RPS6KA2: variants seen among roughly 807,000 people sequenced by gnomAD.
RPS6KA2 encodes the protein ribosomal protein S6 kinase A2.
Under a neutral mutation model 91.8 loss-of-function variants are expected in RPS6KA2, and 42 were observed. The ratio of observed to expected loss-of-function variants is 0.46; its 90% confidence interval spans 0.36 to 0.59. The LOEUF is 0.59. Ranked by LOEUF, RPS6KA2 falls within the 20% of genes least tolerant of loss-of-function variation. The probability of loss-of-function intolerance (pLI) is 0.00; values close to 1 mark genes in which losing one functional copy is unlikely to be tolerated. For synonymous variants in RPS6KA2, 414 were observed against 393.6 expected, an observed-to-expected ratio of 1.05 and a Z score of -0.61; for missense variants, 798 against 978.5, an observed-to-expected ratio of 0.82 and a Z score of 2.46.
At chr6:166,492,419 A>G (rs940695210) in intron 8 of RPS6KA2, among the ~76,000 whole-genome samples, 24 of 152,234 alleles carry the variant, frequency 1.6e-4, no homozygotes, top group African/African-American at 5.5e-4. Flanking sequence ...AAACAGGATG[A>G]AAGTTTATAA....
chr6:166,432,477 C>T lies in RPS6KA2; in HGVS notation c.1346G>A (p.Ser449Asn). Residue 449 changes from serine to asparagine, a missense_variant, in exon 15 of 21, where the codon AGC (serine) becomes AAC (asparagine). Physicochemically the swap from Ser to Asn is conservative, Grantham distance 46 (BLOSUM62 1). Coordinates refer to ENST00000265678, the MANE Select transcript of RPS6KA2 (RefSeq NM_021135.6). ...AATCTCTTCCGAGGGGTCTCTCTTG[C>T]TCTTATCAATGATCTGGAACAAACA... ...TEYAVKIIDK[S>N]KRDPSEEIEI... 6.2e-7 allele frequency: 1 copy of T among 1,611,648 alleles called. No homozygotes were observed. Among genetic ancestry groups the T allele is most frequent in the Admixed American group, 1.7e-5 (1 of 60,010 alleles).
At chr6:166,597,121 A>C (rs1785560229) in intron 1 of RPS6KA2, among the ~76,000 whole-genome samples, 1 of 152,220 alleles carries the variant, frequency 6.6e-6, no homozygotes. Flanking sequence ...AGACCAAGTG[A>C]GATGGAGAGA....
At chr6:166,642,002 AT>A (rs1223171307) in intron 2 of RPS6KA2, among the ~76,000 whole-genome samples, 6 of 151,974 alleles carry the variant, frequency 3.9e-5, no homozygotes, top group African/African-American at 1.4e-4. Context: ...ATACTGCAGA[AT>A]TTTTCAGAGT....
chr6:166,735,818 C>T (rs970968407), intron 2 of RPS6KA2, among the ~76,000 whole-genome samples: 1 of 152,176 alleles, frequency 6.6e-6, no homozygotes, highest in Non-Finnish European at 1.5e-5. Flanking sequence ...TGCTGTGTGG[C>T]CTAGTTCCTA....
chr6:166,727,008 A>G (rs1047583405), intron 2 of RPS6KA2, among the ~76,000 whole-genome samples: 2 of 152,216 alleles, frequency 1.3e-5, no homozygotes. Context: ...TCCACTGATC[A>G]GAAACTTACA....
intron 2 of RPS6KA2, among the ~76,000 whole-genome samples, chr6:166,820,335 C>A (rs1375552805): frequency 6.6e-6 from 1 of 152,180 alleles, no homozygotes; most frequent in Non-Finnish European, 1.5e-5. Context: ...TTAAAGGTTT[C>A]CAGATTTCCT....
intron 6 of RPS6KA2, among the ~76,000 whole-genome samples, chr6:166,502,650 TA>T (rs1253935719): frequency 6.6e-6 from 1 of 152,174 alleles, no homozygotes; most frequent in East Asian, 1.9e-4. Flanking sequence ...GGGTAATTAA[TA>T]CCAGGTTAAC....
chr6:166,765,161 A>G (rs2128604718), intron 2 of RPS6KA2, among the ~76,000 whole-genome samples: 1 of 133,262 alleles, frequency 7.5e-6, no homozygotes, highest in Middle Eastern at 3.6e-3. Flanking sequence ...TCCTGGAGTG[A>G]GCCTCCACGT....
Position 166,852,221 on chromosome 6 carries a change from T to C in RPS6KA2, c.123+5979A>G, listed in dbSNP as rs531873703. ...AATAGACTGCCATCATGGTGACTTA[T>C]GTAACACCAGCTTTCAGAGACGCCA... On this transcript the variant is annotated intron_variant, in intron 2 of 21. Transcript: ENST00000503859. The surrounding 1 kb of genome is among the most constrained non-coding windows in gnomAD (Gnocchi z 4.1). 9.3e-4 allele frequency among the ~76,000 whole-genome samples: 142 copies of C among 152,348 alleles called. No individual in the cohort carries two copies. The highest frequency in any genetic ancestry group is 3.0e-3 in the African/African-American group (125 of 41,572).
intron 1 of RPS6KA2, among the ~76,000 whole-genome samples, chr6:166,599,800 C>T (rs1661261683): frequency 6.6e-6 from 1 of 152,190 alleles, no homozygotes; most frequent in African/African-American, 2.4e-5. Context: ...AGAAACGACA[C>T]AGGCTTCTGT....
At position 166,700,187 on chromosome 6, in the gene RPS6KA2, G is replaced by A. The variant is rs112207784; in HGVS notation, c.123+158013C>T. 8.4e-3 allele frequency among the ~76,000 whole-genome samples: 1,278 copies of A among 152,272 alleles called. 17 individuals are homozygous for A. The highest frequency in any genetic ancestry group is 0.01 in the Non-Finnish European group (713 of 68,008). On this transcript the variant is annotated intron_variant, in intron 2 of 21. Transcript: ENST00000503859. ...TCTCCTGAAGCCATTTAAACCAGCC[G>A]TTCCAAAATCTTCTGCCACCACTTT... is the stretch of plus-strand genomic sequence containing the variant.
chr6:166,794,763 C>T (rs1779181725), intron 2 of RPS6KA2, among the ~76,000 whole-genome samples: 2 of 150,032 alleles, frequency 1.3e-5, no homozygotes, highest in South Asian at 4.2e-4. Context: ...GAGCAAAAAA[C>T]CAAACACCAC....
chr6:166,529,529 C>T (rs146975478), intron 3 of RPS6KA2, among the ~76,000 whole-genome samples: 2 of 152,102 alleles, frequency 1.3e-5, no homozygotes, highest in East Asian at 3.9e-4. Context: ...ATGTAACAAA[C>T]CTGCACGTTG....
At chr6:166,444,977 AG>A (rs1406207268) in intron 14 of RPS6KA2, among the ~76,000 whole-genome samples, 14 of 152,248 alleles carry the variant, frequency 9.2e-5, no homozygotes, top group African/African-American at 3.1e-4. Context: ...TGATTTACTC[AG>A]GTAAACTGGT....
rs1208587359 is a variant in RPS6KA2 at position 166,639,612 on chromosome 6, C to T, written c.124-100828G>A. Among the ~76,000 whole-genome samples the T allele has an allele frequency of 6.6e-6, 1 of 152,110 alleles. No individual in the cohort carries two copies. The highest frequency in any genetic ancestry group is 1.5e-5 in the Non-Finnish European group (1 of 68,022). Reference sequence around the variant, plus strand: ...TTGCGTTTGCCTCTCCTCCTTCCTCCAGGGTGCAGTCTCTGCTCCTGCCCC... The same window carrying T: ...TTGCGTTTGCCTCTCCTCCTTCCTCTAGGGTGCAGTCTCTGCTCCTGCCCC... On this transcript the variant is annotated intron_variant, in intron 2 of 21. Coordinates refer to the RPS6KA2 transcript ENST00000503859. The surrounding 1 kb of genome is among the most constrained non-coding windows in gnomAD (Gnocchi z 4.2).
chr6:166,594,588 C>G (rs1464347179), intron 1 of RPS6KA2, among the ~76,000 whole-genome samples: 1 of 152,160 alleles, frequency 6.6e-6, no homozygotes, highest in Non-Finnish European at 1.5e-5. Flanking sequence ...TCAGCCTCCC[C>G]AGTAGCTGGG....
chr6:166,453,656 A>T (rs7765704), intron 12 of RPS6KA2, among the ~76,000 whole-genome samples: 3,481 of 152,340 alleles, frequency 0.023, 91 homozygotes, highest in East Asian at 0.1. Flanking sequence ...AATTTCTCAA[A>T]GAACTAAATG....
chr6:166,524,210 T>C (rs75880521), intron 3 of RPS6KA2, among the ~76,000 whole-genome samples: 8,545 of 152,260 alleles, frequency 0.056, 824 homozygotes, highest in African/African-American at 0.2. Context: ...ACACAGCTTA[T>C]TTCCTTCCAG....
chr6:166,414,576 T>G (rs1177282376), intron 19 of RPS6KA2, among the ~76,000 whole-genome samples: 2 of 152,248 alleles, frequency 1.3e-5, no homozygotes, highest in African/African-American at 4.8e-5. Flanking sequence ...GTGAATTACA[T>G]TTGCGGACAA....
Sources: allele counts gnomAD v4.1 joint callset (sites outside exome capture counted in the v4.1 genomes callset), GRCh38; gene constraint gnomAD v4.1.1; non-coding constraint Gnocchi (gnomAD v3.1); transcripts MANE v1.5; gene names NCBI Gene and HGNC (gene_info 2026-07-23, HGNC 2026-07-21).